Variants in PRKG1 observed in about 807,000 individuals in gnomAD.
PRKG1 encodes protein kinase cGMP-dependent 1, also known as cGMP-dependent protein kinase 1.
PRKG1 carries 35 observed loss-of-function variants against 88.1 expected under a neutral mutation model. That is an observed-to-expected ratio of 0.40 (90% CI 0.30 to 0.53). The LOEUF is 0.53. Among genes scored for constraint, PRKG1 ranks in the 20% least tolerant of loss-of-function variants. PRKG1 has a pLI of 0.59. For synonymous variants in PRKG1, 303 were observed against 292.5 expected, an observed-to-expected ratio of 1.04 and a Z score of -0.37; for missense variants, 540 against 839.8, an observed-to-expected ratio of 0.64 and a Z score of 4.41.
chr10:51,599,309 C>T lies in PRKG1; in HGVS notation c.592+131473C>T, dbSNP rs147469751. Among the ~76,000 whole-genome samples the T allele has an allele frequency of 3.5e-3, 529 of 152,206 alleles. 4 individuals are homozygous for T. The highest frequency in any genetic ancestry group is 0.012 in the African/African-American group (500 of 41,532). ...GCCAGAGGCACTACTAAACATCCCACGATACACAGGACAGGCCCTTACAAC... is the reference window on the plus strand; with the variant it reads ...GCCAGAGGCACTACTAAACATCCCATGATACACAGGACAGGCCCTTACAAC... On this transcript the variant is annotated intron_variant, in intron 3 of 17. Transcript: ENST00000373980.
chr10:52,118,495 C>T (rs964140398), intron 7 of PRKG1, among the ~76,000 whole-genome samples: 7 of 151,786 alleles, frequency 4.6e-5, no homozygotes, highest in Admixed American at 1.3e-4. Flanking sequence ...CTTTAAAATG[C>T]TTATACAGTG....
chr10:51,469,305 T>G (rs1358896880), intron 3 of PRKG1, among the ~76,000 whole-genome samples: 3 of 151,886 alleles, frequency 2.0e-5, no homozygotes, highest in African/African-American at 4.8e-5. Context: ...ATTTTTTTGT[T>G]TTGAAGTATT....
At chr10:52,281,586 G>A (rs918914078) in intron 13 of PRKG1, among the ~76,000 whole-genome samples, 4 of 151,962 alleles carry the variant, frequency 2.6e-5, no homozygotes, top group East Asian at 1.9e-4. Flanking sequence ...TTCTGCAGTC[G>A]ACACTCTTCC....
At chr10:51,795,436 TG>T (rs1564649857) in intron 3 of PRKG1, among the ~76,000 whole-genome samples, 1 of 152,142 alleles carries the variant, frequency 6.6e-6, no homozygotes, top group Non-Finnish European at 1.5e-5. Flanking sequence ...CCAAACTAAC[TG>T]TGAGGCAATT....
intron 9 of PRKG1, among the ~76,000 whole-genome samples, chr10:52,226,647 T>C (rs543181479): frequency 6.6e-6 from 1 of 152,294 alleles, no homozygotes; most frequent in Non-Finnish European, 1.5e-5. Context: ...GTGAGTCATT[T>C]GCAGAGATGG....
chr10:51,946,498 G>T (rs1482828097), intron 5 of PRKG1, among the ~76,000 whole-genome samples: 5 of 152,184 alleles, frequency 3.3e-5, no homozygotes, highest in African/African-American at 1.2e-4. Flanking sequence ...TTCCGTTGCT[G>T]GTGAGGAGAT....
intron 3 of PRKG1, chr10:51,698,267 A>G (rs750851950): frequency 6.2e-7 from 1 of 1,613,828 alleles, no homozygotes; most frequent in African/African-American, 1.3e-5. Flanking sequence ...ACGTGTCTCT[A>G]AGACCTCAGT....
Position 52,165,357 on chromosome 10 carries a change from T to C in PRKG1, c.1076+3394T>C, listed in dbSNP as rs574522009. Among the ~76,000 whole-genome samples, 122 of 152,266 alleles carry C rather than the reference T, an allele frequency of 8.0e-4. 1 individual carries two copies. The highest frequency in any genetic ancestry group is 1.5e-3 in the Non-Finnish European group (103 of 68,014). Reference sequence around the variant, plus strand: ...GTTTAAAACTCTATTTGAATTAGCATTGTTGTTTCTCCGTATTGAATTTCT... The same window carrying C: ...GTTTAAAACTCTATTTGAATTAGCACTGTTGTTTCTCCGTATTGAATTTCT... On this transcript the variant is annotated intron_variant, in intron 9 of 17. Coordinates refer to ENST00000373980, the MANE Select transcript of PRKG1 (RefSeq NM_006258.4).
chr10:51,767,337 C>T (rs910112178), intron 3 of PRKG1, among the ~76,000 whole-genome samples: 1 of 151,544 alleles, frequency 6.6e-6, no homozygotes, highest in Admixed American at 6.6e-5. Context: ...AATTTACTCT[C>T]TCTCTCTCTC....
intron 5 of PRKG1, among the ~76,000 whole-genome samples, chr10:52,002,916 T>C (rs944903982): frequency 1.3e-5 from 2 of 152,152 alleles, no homozygotes; most frequent in Non-Finnish European, 2.9e-5. Flanking sequence ...AGAGTAAACA[T>C]AATAGAATTT....
chr10:51,812,184 A>T (rs1190218928), intron 4 of PRKG1, among the ~76,000 whole-genome samples: 1 of 152,192 alleles, frequency 6.6e-6, no homozygotes, highest in Admixed American at 6.5e-5. Flanking sequence ...AAGCTTGTTT[A>T]TTCCTGTAGC....
intron 7 of PRKG1, among the ~76,000 whole-genome samples, chr10:52,068,996 C>T (rs1476115596): frequency 9.5e-6 from 1 of 105,390 alleles, no homozygotes; most frequent in Non-Finnish European, 2.4e-5. Context: ...AAGGAACTTC[C>T]CTCCAAGAAC....
At chr10:51,036,950 C>G (rs887512164) in intron 1 of PRKG1, among the ~76,000 whole-genome samples, 1 of 152,116 alleles carries the variant, frequency 6.6e-6, no homozygotes, top group Non-Finnish European at 1.5e-5. Flanking sequence ...GATGAATTCT[C>G]TGGTTAAATG....
At position 51,481,110 on chromosome 10, in the gene PRKG1, C is replaced by T. The variant is rs141362119; in HGVS notation, c.592+13274C>T. Among the ~76,000 whole-genome samples the T allele has an allele frequency of 2.0e-3, 297 of 151,950 alleles. 1 individual carries two copies. The highest frequency in any genetic ancestry group is 6.7e-3 in the African/African-American group (279 of 41,432). ...TCAATTTGCTATAAAGGAATATTAC[C>T]GAGAAAAAGAAAAATGAAGGAACTT... On this transcript the variant is annotated intron_variant, in intron 3 of 17. Coordinates refer to ENST00000373980, the MANE Select transcript of PRKG1 (RefSeq NM_006258.4).
chr10:51,025,567 GC>G (rs1188756632), intron 1 of PRKG1, among the ~76,000 whole-genome samples: 2 of 152,130 alleles, frequency 1.3e-5, no homozygotes, highest in African/African-American at 4.8e-5. Context: ...ACTCTGTCAT[GC>G]TCAGACCCTA....
At chr10:51,152,893 G>T (rs1302451787) in intron 1 of PRKG1, among the ~76,000 whole-genome samples, 2 of 151,148 alleles carry the variant, frequency 1.3e-5, no homozygotes, top group African/African-American at 2.4e-5. Flanking sequence ...AAGCAAAATG[G>T]ACTTGTATGA....
At chr10:51,528,599 ATCCCGAGT>A (rs1484896644) in intron 3 of PRKG1, among the ~76,000 whole-genome samples, 1 of 149,634 alleles carries the variant, frequency 6.7e-6, no homozygotes, top group Non-Finnish European at 1.5e-5. Flanking sequence ...TCAGAGGTGA[ATCCCGAGT>A]TCCTCTGTGC....
chr10:52,001,768 C>T (rs933360449), intron 5 of PRKG1, among the ~76,000 whole-genome samples: 4 of 151,894 alleles, frequency 2.6e-5, no homozygotes, highest in Admixed American at 1.3e-4. Flanking sequence ...TCTCAACCAC[C>T]CATATTTACT....
At chr10:52,142,326 T>C (rs1837602947) in intron 8 of PRKG1, among the ~76,000 whole-genome samples, 1 of 152,142 alleles carries the variant, frequency 6.6e-6, no homozygotes, top group Non-Finnish European at 1.5e-5. Flanking sequence ...AATAAGCACA[T>C]ACTGAGAGTA....
Sources: allele counts gnomAD v4.1 joint callset (sites outside exome capture counted in the v4.1 genomes callset), GRCh38; gene constraint gnomAD v4.1.1; transcripts MANE v1.5; gene names NCBI Gene and HGNC (gene_info 2026-07-23, HGNC 2026-07-21).